Variants in PSMD1 observed in about 807,000 individuals in gnomAD.
The protein encoded by PSMD1 is proteasome 26S subunit, non-ATPase 1.
A neutral mutation model predicts 119.0 loss-of-function variants in PSMD1; 18 were observed. The ratio of observed to expected loss-of-function variants is 0.15; its 90% CI spans 0.10 to 0.22. The LOEUF (loss-of-function observed/expected upper bound fraction) is 0.22, where lower values mean the gene tolerates loss of function less well. PSMD1 is among the 10% of genes least tolerant of loss of function. The probability of loss-of-function intolerance (pLI) is 1.00; values close to 1 mark genes in which losing one functional copy is unlikely to be tolerated. For missense variants in PSMD1, 702 were observed against 1,158.5 expected, an observed-to-expected ratio of 0.61 and a Z score of 5.72; for synonymous variants, 374 against 396.6, an observed-to-expected ratio of 0.94 and a Z score of 0.68.
Position 231,082,188 on chromosome 2 carries a change from G to A in PSMD1, c.1414-695G>A, listed in dbSNP as rs577374902. 7.2e-3 allele frequency among the ~76,000 whole-genome samples: 1,092 copies of A among 152,104 alleles called. 15 individuals are homozygous for A. The highest frequency in any genetic ancestry group is 0.031 in the Middle Eastern group (9 of 294). On this transcript the variant is annotated intron_variant, in intron 12 of 24. Transcript: ENST00000308696. ...GGCCGTTCTCCCACCTCAGCCTCCC[G>A]AGTAGCTGGGATCACAGGCATGCAC...
intron 18 of PSMD1, chr2:231,153,356 A>T: frequency 1.9e-6 from 1 of 525,870 alleles, no homozygotes; most frequent in South Asian, 2.5e-5. Context: ...GATTCAAGAC[A>T]GAGCTGGTGC....
At chr2:231,109,060 A>G (rs1428912718) in intron 16 of PSMD1, 4 of 1,614,206 alleles carry the variant, frequency 2.5e-6, no homozygotes, top group Non-Finnish European at 3.4e-6. Flanking sequence ...TTCTTCGCAT[A>G]AGTGTTTCAT....
intron 12 of PSMD1, among the ~76,000 whole-genome samples, chr2:231,081,672 G>A (rs1364323868): frequency 6.6e-6 from 1 of 152,194 alleles, no homozygotes; most frequent in Non-Finnish European, 1.5e-5. Flanking sequence ...TCTAACCAGT[G>A]GGGAGGAGTA....
chr2:231,157,590 G>A (rs1219883890), intron 19 of PSMD1, among the ~76,000 whole-genome samples: 2 of 150,094 alleles, frequency 1.3e-5, no homozygotes, highest in Admixed American at 6.6e-5. Context: ...TTTTTTTGGG[G>A]GGGGCCAATT....
chr2:231,128,276 A>T (rs377078401), intron 16 of PSMD1, among the ~76,000 whole-genome samples: 1 of 152,242 alleles, frequency 6.6e-6, no homozygotes, highest in Non-Finnish European at 1.5e-5. Flanking sequence ...GTAATTTATA[A>T]TTTTATGGAG....
At position 231,066,994 on chromosome 2, in the gene PSMD1, A is replaced by G; in HGVS notation, c.393A>G (p.Glu131=). The change falls in exon 5 of 25, where the codon GAA becomes GAG. Residue 131 remains glutamate, a synonymous_variant. Transcript: ENST00000308696. ...GEKKPIDQRL[E]GIVNKMFQRC... ...AAAAACCAATTGACCAGAGATTGGAAGGCATCGTAAATAAAATGTTCCAGC... is the reference window on the plus strand; with the variant it reads ...AAAAACCAATTGACCAGAGATTGGAGGGCATCGTAAATAAAATGTTCCAGC... 2 of 1,613,710 alleles carry G rather than the reference A, an allele frequency of 1.2e-6. No individual in the cohort carries two copies.
At chr2:231,067,743 G>C (rs946702905) in intron 5 of PSMD1, among the ~76,000 whole-genome samples, 14 of 151,958 alleles carry the variant, frequency 9.2e-5, no homozygotes, top group Non-Finnish European at 1.6e-4. Flanking sequence ...TGAAACCTCT[G>C]CCTCCGGGGT....
chr2:231,083,640 T>G lies in PSMD1; in HGVS notation c.1599T>G (p.Val533=). ...ATGCTCAGGCTATTGAGGACATGGT[T>G]GGTTATGCACAAGAAACTCAACATG... is the stretch of plus-strand genomic sequence containing the variant. ...SKNAQAIEDM[V]GYAQETQHEK... Residue 533 remains valine (V), a synonymous_variant, in exon 14 of 25, where the codon GTT becomes GTG. Transcript: ENST00000308696. The G allele has an allele frequency of 6.2e-7, 1 of 1,614,212 alleles. No individual in the cohort carries two copies.
At chr2:231,081,144 T>TAAA (rs368987456) in intron 12 of PSMD1, among the ~76,000 whole-genome samples, 6 of 74,022 alleles carry the variant, frequency 8.1e-5, no homozygotes, top group Admixed American at 1.6e-4. Context: ...AAACTCTGTC[T>TAAA]AAAAAAAAAA....
intron 16 of PSMD1, among the ~76,000 whole-genome samples, chr2:231,111,542 C>T (rs1304276360): frequency 2.0e-5 from 3 of 152,160 alleles, no homozygotes; most frequent in African/African-American, 4.8e-5. Flanking sequence ...CAGGTATTAC[C>T]TAGAATAACT....
intron 17 of PSMD1, among the ~76,000 whole-genome samples, chr2:231,141,351 G>T (rs1414827073): frequency 6.7e-6 from 1 of 148,860 alleles, no homozygotes; most frequent in African/African-American, 2.5e-5. Flanking sequence ...CAACAATTGT[G>T]TAAAAATTTG....
At chr2:231,065,002 A>T (rs114991131) in intron 4 of PSMD1, among the ~76,000 whole-genome samples, 2,880 of 151,562 alleles carry the variant, frequency 0.019, 49 homozygotes, top group Middle Eastern at 0.048. Flanking sequence ...TCATGGTTCC[A>T]GCTGAATCTT....
chr2:231,072,894 G>A (rs984514669), intron 7 of PSMD1, among the ~76,000 whole-genome samples: 7 of 151,950 alleles, frequency 4.6e-5, no homozygotes, highest in East Asian at 3.8e-4. Flanking sequence ...TATTTTACAC[G>A]TTTAGATCAC....
intron 16 of PSMD1, among the ~76,000 whole-genome samples, chr2:231,121,751 G>A (rs1312265278): frequency 6.6e-6 from 1 of 152,140 alleles, no homozygotes; most frequent in African/African-American, 2.4e-5. Flanking sequence ...TATAATAGAT[G>A]TTTGATATTT....
chr2:231,159,961 T>A (rs1696597784), intron 19 of PSMD1, among the ~76,000 whole-genome samples: 1 of 152,240 alleles, frequency 6.6e-6, no homozygotes, highest in South Asian at 2.1e-4. Context: ...CACAGCTGAT[T>A]TGACAGGAGG....
In PSMD1 at chr2:231,170,356, C is replaced by T. The variant is rs997068935; in HGVS notation, c.2716-210C>T. The T allele has an allele frequency of 1.6e-5, 7 of 435,486 alleles. No homozygotes were observed. The Admixed American group carries it at 2.5e-4, about 15-fold the overall frequency. 27.0% of individuals were successfully genotyped at this position (435,486 alleles called of 1,614,324 possible). A position where few individuals can be genotyped will look rare whatever the true frequency, so the allele number is the denominator to read the frequency against. On this transcript the variant is annotated intron_variant, in intron 23 of 24. Coordinates refer to ENST00000308696, the MANE Select transcript of PSMD1 (RefSeq NM_002807.4). This position sits in a 1 kb window ranked among gnomAD's most constrained non-coding sequence, Gnocchi z 4.1. ...ATGCATCATCCAAGTAGAACAGCAT[C>T]ACATGTTATACCATCTAGAGCTACT...
chr2:231,071,588 GTTC>G (rs1694042014), intron 6 of PSMD1, among the ~76,000 whole-genome samples: 1 of 151,910 alleles, frequency 6.6e-6, no homozygotes, highest in African/African-American at 2.4e-5. Context: ...GTTATTTCGT[GTTC>G]TTAATTTATA....
chr2:231,063,690 G>A (rs759707864), intron 4 of PSMD1, among the ~76,000 whole-genome samples: 2 of 152,250 alleles, frequency 1.3e-5, no homozygotes, highest in Non-Finnish European at 2.9e-5. Flanking sequence ...TCATTGAATT[G>A]AGCTGTCATC....
intron 19 of PSMD1, among the ~76,000 whole-genome samples, chr2:231,160,858 A>G (rs1696622713): frequency 6.6e-6 from 1 of 152,218 alleles, no homozygotes; most frequent in South Asian, 2.1e-4. Context: ...TAGACTGCAC[A>G]TATGAATTGT....
Sources: gnomAD v4.1 joint callset for allele counts (sites outside exome capture counted in the v4.1 genomes callset) on GRCh38, gnomAD v4.1.1 for gene constraint, Gnocchi (gnomAD v3.1) non-coding constraint, MANE v1.5 for transcripts, NCBI Gene and HGNC (gene_info 2026-07-23, HGNC 2026-07-21) for gene names.